The following CCBE1 variants were observed in gnomAD, a reference collection of about 807,000 sequenced individuals.
The protein encoded by CCBE1 is collagen and calcium binding EGF domains 1.
CCBE1 carries 37 observed loss-of-function variants against 50.0 expected under a neutral mutation model. The ratio of observed to expected loss-of-function variants is 0.74; its 90% CI spans 0.57 to 0.97. The LOEUF is 0.97. Ranked by LOEUF, CCBE1 falls within the 50% of genes least tolerant of loss-of-function variation. The pLI is 0.00. For missense variants in CCBE1, 538 were observed against 523.8 expected (o/e 1.03, Z -0.26); for synonymous variants, 234 against 203.7 (o/e 1.15, Z -1.27).
chr18:59,671,128 G>A (rs1406623588), intron 2 of CCBE1, among the ~76,000 whole-genome samples: 1 of 152,150 alleles, frequency 6.6e-6, no homozygotes, highest in Admixed American at 6.5e-5. Flanking sequence ...GTATCACTGG[G>A]TTTGGGGAAA....
In CCBE1 at chr18:59,691,467, G is replaced by A. The variant is rs537324610; in HGVS notation, c.212+5162C>T. On this transcript the variant is annotated intron_variant, in intron 2 of 10. Coordinates refer to ENST00000439986, the MANE Select transcript of CCBE1 (RefSeq NM_133459.4). ...GTTGCCCAGGCTGGAGTGCAGTGGC[G>A]TGATCTTGGCTCACCACAACCTCCG... is the stretch of plus-strand genomic sequence containing the variant. Among the ~76,000 whole-genome samples the A allele has an allele frequency of 1.1e-4, 16 of 152,310 alleles. No individual in the cohort carries two copies. In the South Asian group the frequency reaches 1.2e-3, roughly 12 times the overall value.
At chr18:59,633,475 C>G (rs985381552) in intron 2 of CCBE1, among the ~76,000 whole-genome samples, 6 of 152,210 alleles carry the variant, frequency 3.9e-5, no homozygotes, top group African/African-American at 1.4e-4. Context: ...AGCATTAGTT[C>G]TTCCTCTTGC....
At position 59,435,964 on chromosome 18, in the gene CCBE1, G is replaced by A. The variant is rs866542363; in HGVS notation, c.1165C>T (p.His389Tyr). ...EAMDLGSGDD[H>Y]PRRTETRDLR... is the part of the protein sequence containing the mutation. Reference sequence around the variant, plus strand: ...TCTCTTGTCTCAGTTCTTCTTGGATGGTCATCTCCAGAGCCCAGGTCCATG... The same window carrying A: ...TCTCTTGTCTCAGTTCTTCTTGGATAGTCATCTCCAGAGCCCAGGTCCATG... The change falls in exon 11 of 11, where the codon CAT (histidine) becomes TAT (tyrosine). Residue 389 changes from histidine (H) to tyrosine (Y), a missense_variant. Transcript: ENST00000439986. 2 of 1,614,132 alleles carry A rather than the reference G, an allele frequency of 1.2e-6. No individual in the cohort carries two copies.
intron 2 of CCBE1, among the ~76,000 whole-genome samples, chr18:59,656,415 G>A (rs966694283): frequency 2.6e-4 from 39 of 152,314 alleles, no homozygotes; most frequent in African/African-American, 9.4e-4. Flanking sequence ...AATCTTAGGA[G>A]AGCAACTATT....
At chr18:59,519,810 ACATTT>A (rs1914522896) in intron 2 of CCBE1, among the ~76,000 whole-genome samples, 2 of 152,224 alleles carry the variant, frequency 1.3e-5, no homozygotes, top group Non-Finnish European at 2.9e-5. Context: ...TTTAGGTCTT[ACATTT>A]AAGTCTGTAG....
At chr18:59,481,012 T>G (rs1410208352) in intron 2 of CCBE1, among the ~76,000 whole-genome samples, 1 of 152,202 alleles carries the variant, frequency 6.6e-6, no homozygotes, top group East Asian at 1.9e-4. Context: ...CAATCAATGC[T>G]GCAATCTCCA....
intron 2 of CCBE1, among the ~76,000 whole-genome samples, chr18:59,553,384 C>A (rs1201058552): frequency 1.3e-5 from 2 of 152,200 alleles, no homozygotes; most frequent in African/African-American, 4.8e-5. Context: ...TTGTTACAGT[C>A]ATGCACAACC....
intron 2 of CCBE1, among the ~76,000 whole-genome samples, chr18:59,589,391 A>G (rs888347953): frequency 6.6e-6 from 1 of 152,250 alleles, no homozygotes; most frequent in African/African-American, 2.4e-5. Flanking sequence ...CCAGCTAAGT[A>G]AGTCCAATAT....
At chr18:59,526,335 A>C in intron 2 of CCBE1, among the ~76,000 whole-genome samples, 1 of 144,570 alleles carries the variant, frequency 6.9e-6, no homozygotes, top group Admixed American at 6.9e-5. Flanking sequence ...TTGGAGATGG[A>C]ATCTCACTCT....
intron 2 of CCBE1, among the ~76,000 whole-genome samples, chr18:59,585,043 G>A (rs1482665647): frequency 1.3e-5 from 2 of 152,038 alleles, no homozygotes; most frequent in African/African-American, 4.8e-5. Flanking sequence ...CTTGCAAGAC[G>A]CACCATGGCT....
In CCBE1 at chr18:59,472,470, T is replaced by C. The variant is rs367944441; in HGVS notation, c.266-2863A>G. The stretch of plus-strand genomic sequence containing the variant: ...CACTGATTCATCACCAGAGATCCCC[T>C]CAATTTTGCGAATCTCTTCTTATAG... On this transcript the variant is annotated intron_variant, in intron 3 of 10. Coordinates refer to ENST00000439986, the MANE Select transcript of CCBE1 (RefSeq NM_133459.4). Among the ~76,000 whole-genome samples the C allele has an allele frequency of 3.9e-5, 6 of 152,358 alleles. No individual in the cohort carries two copies. In the East Asian group the frequency reaches 9.6e-4, roughly 24 times the overall value.
At chr18:59,484,597 C>G (rs1032177724) in intron 2 of CCBE1, among the ~76,000 whole-genome samples, 13 of 152,172 alleles carry the variant, frequency 8.5e-5, no homozygotes, top group African/African-American at 1.9e-4. Context: ...ATGAAGTGAT[C>G]TGATATGCTT....
At chr18:59,606,216 A>C (rs2053497287) in intron 2 of CCBE1, among the ~76,000 whole-genome samples, 1 of 152,198 alleles carries the variant, frequency 6.6e-6, no homozygotes, top group South Asian at 2.1e-4. Flanking sequence ...ACTCCATGAG[A>C]GACCTTAGAG....
At chr18:59,650,950 A>C (rs2054119224) in intron 2 of CCBE1, among the ~76,000 whole-genome samples, 1 of 151,994 alleles carries the variant, frequency 6.6e-6, no homozygotes, top group Non-Finnish European at 1.5e-5. Context: ...TAGCTTCAAG[A>C]CAGACAGACT....
chr18:59,532,287 T>C (rs1198329509), intron 2 of CCBE1, among the ~76,000 whole-genome samples: 2 of 152,202 alleles, frequency 1.3e-5, no homozygotes, highest in Non-Finnish European at 2.9e-5. Context: ...TTAGGTGATC[T>C]GCCTGTCTCA....
chr18:59,580,079 G>A (rs1191563383), intron 2 of CCBE1, among the ~76,000 whole-genome samples: 1 of 152,148 alleles, frequency 6.6e-6, no homozygotes, highest in African/African-American at 2.4e-5. Context: ...GGCAGTTGTT[G>A]CTCTATTGTA....
chr18:59,678,316 C>T (rs879366279), intron 2 of CCBE1, among the ~76,000 whole-genome samples: 1 of 152,096 alleles, frequency 6.6e-6, no homozygotes. Context: ...ACAAAGTCTT[C>T]CCGGCTGTGG....
chr18:59,697,439 G>C, upstream of CCBE1: 1 of 1,473,606 alleles, frequency 6.8e-7, no homozygotes, highest in South Asian at 1.3e-5. Flanking sequence ...TCCCGGCAGG[G>C]GGCGCCGGAG....
At chr18:59,442,849 G>T (rs1008594081) in intron 7 of CCBE1, among the ~76,000 whole-genome samples, 1 of 152,178 alleles carries the variant, frequency 6.6e-6, no homozygotes, top group Non-Finnish European at 1.5e-5. Context: ...CAACCAACTG[G>T]AGTTCTCAGT....
Sources: gnomAD v4.1 joint callset for allele counts (sites outside exome capture counted in the v4.1 genomes callset) on GRCh38, gnomAD v4.1.1 for gene constraint, MANE v1.5 for transcripts, NCBI Gene and HGNC (gene_info 2026-07-23, HGNC 2026-07-21) for gene names.